Variants in PTN observed in about 807,000 individuals in gnomAD.
The protein encoded by PTN is pleiotrophin, also known as heparin affin regulatory protein.
A neutral mutation model predicts 24.1 loss-of-function variants in PTN; 18 were observed. That is an observed-to-expected ratio of 0.75 (90% CI 0.52 to 1.11). The LOEUF is 1.11. Ranked by LOEUF, PTN falls within the 50% of genes least tolerant of loss-of-function variation. The probability of loss-of-function intolerance (pLI) is 0.00; values close to 1 mark genes in which losing one functional copy is unlikely to be tolerated. For missense variants in PTN, 163 were observed against 198.8 expected (o/e 0.82, Z 1.08); for synonymous variants, 78 against 68.6 (o/e 1.14, Z -0.67).
intron 1 of PTN, among the ~76,000 whole-genome samples, chr7:137,336,432 C>T (rs1363516994): frequency 6.6e-6 from 1 of 152,090 alleles, no homozygotes; most frequent in African/African-American, 2.4e-5. Flanking sequence ...CAATAAAGTG[C>T]CTGTCTCTTG....
chr7:137,281,882 A>G (rs1303803912), intron 1 of PTN, among the ~76,000 whole-genome samples: 1 of 152,224 alleles, frequency 6.6e-6, no homozygotes, highest in Non-Finnish European at 1.5e-5. Flanking sequence ...CAATAACTTT[A>G]GAAAGTAATC....
intron 1 of PTN, among the ~76,000 whole-genome samples, chr7:137,267,833 C>A (rs924105830): frequency 1.3e-5 from 2 of 152,010 alleles, no homozygotes; most frequent in Non-Finnish European, 2.9e-5. Context: ...AAACCAAAAC[C>A]AAAGTATCAA....
At chr7:137,278,479 GA>G (rs1809408691) in intron 1 of PTN, among the ~76,000 whole-genome samples, 1 of 152,152 alleles carries the variant, frequency 6.6e-6, no homozygotes, top group Non-Finnish European at 1.5e-5. Flanking sequence ...TTATTTCACA[GA>G]AATAGTCATG....
intron 1 of PTN, among the ~76,000 whole-genome samples, chr7:137,296,596 C>A (rs992213792): frequency 1.3e-5 from 2 of 151,962 alleles, no homozygotes; most frequent in East Asian, 1.9e-4. Flanking sequence ...AAAAATGAAA[C>A]CCTCACCCTA....
At position 137,278,650 on chromosome 7, in the gene PTN, G is replaced by C. The variant is rs1024289797; in HGVS notation, c.-1-23676C>G. Among the ~76,000 whole-genome samples, 70 of 151,752 alleles carry C rather than the reference G, an allele frequency of 4.6e-4. 2 individuals carry two copies. Among genetic ancestry groups the C allele is most frequent in the Non-Finnish European group, 4.0e-4 (27 of 67,882 alleles). On this transcript the variant is annotated intron_variant, in intron 1 of 4. Transcript: ENST00000348225. ...AAACAACAAACTTTCAAAATACAAGGATTAACTTGGCCGGGCAGGGTGGCT... is the reference window on the plus strand; with the variant it reads ...AAACAACAAACTTTCAAAATACAAGCATTAACTTGGCCGGGCAGGGTGGCT...
chr7:137,259,199 T>C lies in PTN; in HGVS notation c.-1-4225A>G, dbSNP rs545943534. ...TTATCTATTAAATCTCAATCTCTTT[T>C]CTGGATAAATAGCTAATTAGGAAAA... is the stretch of plus-strand genomic sequence containing the variant. On this transcript the variant is annotated intron_variant, in intron 1 of 4. Transcript: ENST00000348225. 6.6e-5 allele frequency among the ~76,000 whole-genome samples: 10 copies of C among 152,278 alleles called. No individual in the cohort carries two copies. The South Asian group carries it at 2.1e-3, about 32-fold the overall frequency.
chr7:137,304,873 T>C (rs1030887160), intron 1 of PTN, among the ~76,000 whole-genome samples: 3 of 151,848 alleles, frequency 2.0e-5, no homozygotes, highest in Non-Finnish European at 2.9e-5. Flanking sequence ...TTGCTAAGAG[T>C]TGGGAACTAA....
chr7:137,281,696 T>G (rs941921451), intron 1 of PTN, among the ~76,000 whole-genome samples: 2 of 152,330 alleles, frequency 1.3e-5, no homozygotes, highest in East Asian at 3.9e-4. Context: ...GCTAATGTAT[T>G]TATAGCCCAA....
At chr7:137,281,484 G>A (rs1235176855) in intron 1 of PTN, among the ~76,000 whole-genome samples, 2 of 152,144 alleles carry the variant, frequency 1.3e-5, no homozygotes, top group Non-Finnish European at 2.9e-5. Context: ...TACTCTCAGG[G>A]CCAGTAGCGT....
intron 4 of PTN, among the ~76,000 whole-genome samples, chr7:137,245,068 A>G (rs528588139): frequency 7.5e-4 from 115 of 152,322 alleles, no homozygotes; most frequent in African/African-American, 2.6e-3. Flanking sequence ...TCATTCTAAA[A>G]TGTAAAGAGT....
intron 4 of PTN, among the ~76,000 whole-genome samples, chr7:137,243,302 G>A (rs186365887): frequency 1.5e-4 from 23 of 152,242 alleles, no homozygotes; most frequent in African/African-American, 3.6e-4. Context: ...TTCCTTGTTT[G>A]CAGATCAATT....
intron 1 of PTN, among the ~76,000 whole-genome samples, chr7:137,342,240 C>G (rs916069406): frequency 1.3e-5 from 2 of 152,072 alleles, no homozygotes; most frequent in African/African-American, 4.8e-5. Context: ...TAGTCCAGAG[C>G]TCTTTTTGGT....
intron 1 of PTN, among the ~76,000 whole-genome samples, chr7:137,310,710 C>A (rs73452984): frequency 6.6e-6 from 1 of 152,018 alleles, no homozygotes; most frequent in African/African-American, 2.4e-5. Context: ...GGCCATCTAA[C>A]AGAAGTCTGT....
intron 1 of PTN, among the ~76,000 whole-genome samples, chr7:137,290,278 G>A (rs901531957): frequency 2.0e-5 from 3 of 152,146 alleles, no homozygotes; most frequent in African/African-American, 7.2e-5. Context: ...TGAGATTTTG[G>A]TGGGGACACA....
chr7:137,311,821 T>C lies in PTN; in HGVS notation c.-2+31618A>G, dbSNP rs538244153. 7.0e-5 allele frequency among the ~76,000 whole-genome samples: 9 copies of C among 128,404 alleles called. No individual in the cohort carries two copies. In the South Asian group the frequency reaches 1.9e-3, roughly 27 times the overall value. 84.2% of individuals were successfully genotyped at this position (128,404 alleles called of 152,430 possible). A position where few individuals can be genotyped will look rare whatever the true frequency, so the allele number is the denominator to read the frequency against. The stretch of plus-strand genomic sequence containing the variant: ...CTGATCACAGATCACCATAAGGACA[T>C]AATGGTAATAAAAATTTTGAAATAT... On this transcript the variant is annotated intron_variant, in intron 1 of 4. Transcript: ENST00000348225.
rs161093 is a variant in PTN at position 137,336,915 on chromosome 7, T to C, written c.-2+6524A>G. 5.3e-5 allele frequency among the ~76,000 whole-genome samples: 8 copies of C among 152,138 alleles called. No homozygotes were observed. In the East Asian group the frequency reaches 1.5e-3, roughly 29 times the overall value. ...TAGGTATGTGCTCCCATGTTAGAGATGAAAACACTGAAGTAAGAAAGACCA... is the reference window on the plus strand; with the variant it reads ...TAGGTATGTGCTCCCATGTTAGAGACGAAAACACTGAAGTAAGAAAGACCA... On this transcript the variant is annotated intron_variant, in intron 1 of 4. Transcript: ENST00000348225.
chr7:137,296,208 G>A, intron 1 of PTN, among the ~76,000 whole-genome samples: 1 of 151,998 alleles, frequency 6.6e-6, no homozygotes, highest in East Asian at 1.9e-4. Flanking sequence ...ATAAACATAT[G>A]TGAAATTATC....
At chr7:137,240,591 A>T (rs185968353) in intron 4 of PTN, among the ~76,000 whole-genome samples, 6 of 152,252 alleles carry the variant, frequency 3.9e-5, no homozygotes, top group African/African-American at 1.2e-4. Context: ...CTACAGATGC[A>T]AAGAAATGGA....
At chr7:137,257,035 A>C (rs767129240) in intron 1 of PTN, among the ~76,000 whole-genome samples, 2 of 152,252 alleles carry the variant, frequency 1.3e-5, no homozygotes, top group Non-Finnish European at 2.9e-5. Flanking sequence ...CTGTGGAGAA[A>C]TAAGAATGCT....
Sources: allele counts gnomAD v4.1 joint callset (sites outside exome capture counted in the v4.1 genomes callset), GRCh38; gene constraint gnomAD v4.1.1; transcripts MANE v1.5; gene names NCBI Gene and HGNC (gene_info 2026-07-23, HGNC 2026-07-21).